The following PHLDB2 variants were observed in gnomAD, a reference collection of about 807,000 sequenced individuals.
PHLDB2 encodes the protein pleckstrin homology-like domain family B member 2.
A neutral mutation model predicts 123.6 loss-of-function variants in PHLDB2; 71 were observed. That is an observed-to-expected ratio of 0.57 (90% confidence interval 0.47 to 0.70). PHLDB2 has a LOEUF of 0.70. Ranked by LOEUF, PHLDB2 falls within the 30% of genes least tolerant of loss-of-function variation. PHLDB2 has a pLI of 0.00. For missense variants in PHLDB2, 1,446 were observed against 1,519.5 expected, an observed-to-expected ratio of 0.95 and a Z score of 0.80; for synonymous variants, 547 against 541.6, an observed-to-expected ratio of 1.01 and a Z score of -0.14.
intron 1 of PHLDB2, among the ~76,000 whole-genome samples, chr3:111,845,299 G>A (rs1203187514): frequency 7.8e-6 from 1 of 128,892 alleles, no homozygotes; most frequent in East Asian, 2.5e-4. Context: ...AGGTTGCAGT[G>A]AGCCAAGATC....
chr3:111,750,186 T>A (rs1278728647), intron 1 of PHLDB2, among the ~76,000 whole-genome samples: 1 of 152,206 alleles, frequency 6.6e-6, no homozygotes, highest in African/African-American at 2.4e-5. Flanking sequence ...ACATTCTTTA[T>A]CCATGCAGTA....
At chr3:111,868,128 C>T (rs1027438508) in intron 1 of PHLDB2, among the ~76,000 whole-genome samples, 1 of 152,004 alleles carries the variant, frequency 6.6e-6, no homozygotes, top group Non-Finnish European at 1.5e-5. Context: ...ACCTCTGCCT[C>T]TCCGCCTCTG....
At position 111,839,452 on chromosome 3, in the gene PHLDB2, G is replaced by GA. The variant is rs35896419; in HGVS notation, c.-48-6361dup. 3.4e-4 allele frequency among the ~76,000 whole-genome samples: 51 copies of GA among 151,688 alleles called. 1 individual carries two copies. Among genetic ancestry groups the GA allele is most frequent in the Admixed American group, 2.8e-3 (42 of 15,234 alleles). On this transcript the variant is annotated intron_variant, in intron 1 of 17. Coordinates refer to the PHLDB2 transcript ENST00000393923. ...CACAATGTACTCTCAAGTAGCTCCAGAAAAAAAATGTTCTTTGTGCTATTC... is the reference window on the plus strand; with the variant it reads ...CACAATGTACTCTCAAGTAGCTCCAGAAAAAAAAATGTTCTTTGTGCTATTC...
At chr3:111,927,425 T>A (rs2068875244) in intron 5 of PHLDB2, among the ~76,000 whole-genome samples, 1 of 152,192 alleles carries the variant, frequency 6.6e-6, no homozygotes, top group Admixed American at 6.5e-5. Flanking sequence ...AATTTTGACA[T>A]ATCACTGCGT....
chr3:111,781,939 C>G (rs1390074506), intron 1 of PHLDB2, among the ~76,000 whole-genome samples: 1 of 151,994 alleles, frequency 6.6e-6, no homozygotes, highest in Non-Finnish European at 1.5e-5. Context: ...TGCCGTGGCA[C>G]AAAACTACCT....
chr3:111,917,187 C>T (rs1052496819), intron 3 of PHLDB2: 3 of 152,124 alleles, frequency 2.0e-5, no homozygotes, highest in African/African-American at 7.2e-5. Flanking sequence ...ACAAACATTT[C>T]CTAGATGGCA....
intron 1 of PHLDB2, among the ~76,000 whole-genome samples, chr3:111,806,927 T>C (rs1170744820): frequency 6.6e-6 from 1 of 151,986 alleles, no homozygotes; most frequent in African/African-American, 2.4e-5. Flanking sequence ...TAAGCCACCA[T>C]GCCCAGCCCC....
intron 12 of PHLDB2, among the ~76,000 whole-genome samples, chr3:111,956,510 G>A (rs1043708262): frequency 8.5e-5 from 13 of 152,110 alleles, no homozygotes; most frequent in African/African-American, 2.9e-4. Context: ...TTATTGATAC[G>A]TCCTTTATGC....
intron 2 of PHLDB2, among the ~76,000 whole-genome samples, chr3:111,890,522 A>G (rs2066418171): frequency 6.6e-6 from 1 of 152,242 alleles, no homozygotes; most frequent in South Asian, 2.1e-4. Context: ...CGCAACTCTT[A>G]TATAAATGAA....
At chr3:111,895,856 A>AT (rs1559891124) in intron 2 of PHLDB2, among the ~76,000 whole-genome samples, 3 of 82,010 alleles carry the variant, frequency 3.7e-5, no homozygotes, top group African/African-American at 1.0e-4. Flanking sequence ...CAAAAAAAAA[A>AT]AATCTATCTA....
At chr3:111,832,682 C>T (rs149764190) in intron 1 of PHLDB2, among the ~76,000 whole-genome samples, 3,614 of 91,378 alleles carry the variant, frequency 0.04, 176 homozygotes, top group African/African-American at 0.15. Context: ...TAGAATTATA[C>T]ATATAATATA....
chr3:111,900,091 A>G (rs1407050827), intron 2 of PHLDB2, among the ~76,000 whole-genome samples: 1 of 152,114 alleles, frequency 6.6e-6, no homozygotes, highest in African/African-American at 2.4e-5. Context: ...CAGCTTCTTC[A>G]CCTCATTTAG....
At chr3:111,883,235 A>C (rs2066015368) in intron 1 of PHLDB2, among the ~76,000 whole-genome samples, 1 of 152,188 alleles carries the variant, frequency 6.6e-6, no homozygotes, top group Admixed American at 6.5e-5. Flanking sequence ...CATTGTGCAA[A>C]CCAGGGTTCA....
At chr3:111,836,220 T>C (rs1228125057) in intron 1 of PHLDB2, among the ~76,000 whole-genome samples, 1 of 152,172 alleles carries the variant, frequency 6.6e-6, no homozygotes, top group Non-Finnish European at 1.5e-5. Flanking sequence ...GTGGCCATGA[T>C]GAAGCATGTG....
At chr3:111,878,364 G>A (rs2065759266) in intron 1 of PHLDB2, among the ~76,000 whole-genome samples, 2 of 152,120 alleles carry the variant, frequency 1.3e-5, no homozygotes, top group Admixed American at 1.3e-4. Context: ...GTCTGTTATT[G>A]GTGAATAGGA....
chr3:111,894,751 A>T (rs937769856), intron 2 of PHLDB2, among the ~76,000 whole-genome samples: 5 of 151,204 alleles, frequency 3.3e-5, no homozygotes, highest in Admixed American at 1.3e-4. Flanking sequence ...CCACTTTTTG[A>T]TAGGGTTGTT....
chr3:111,802,527 T>C (rs1420614840), intron 1 of PHLDB2, among the ~76,000 whole-genome samples: 1 of 152,228 alleles, frequency 6.6e-6, no homozygotes, highest in Non-Finnish European at 1.5e-5. Context: ...CTCATTTATT[T>C]CCATGCTAGC....
At chr3:111,896,928 T>C (rs1258232634) in intron 2 of PHLDB2, among the ~76,000 whole-genome samples, 1 of 152,184 alleles carries the variant, frequency 6.6e-6, no homozygotes, top group Non-Finnish European at 1.5e-5. Context: ...TCATAGGACG[T>C]AATTCAAAGG....
At chr3:111,967,600 G>T in intron 14 of PHLDB2, 78 bp from the exon 15 acceptor site, 1 of 1,390,962 alleles carries the variant, frequency 7.2e-7, no homozygotes, top group Non-Finnish European at 9.5e-7. Flanking sequence ...AGTAAGAATT[G>T]TCTTTTTTAT....
Sources: gnomAD v4.1 joint callset for allele counts (sites outside exome capture counted in the v4.1 genomes callset) on GRCh38, gnomAD v4.1.1 for gene constraint, MANE v1.5 for transcripts, NCBI Gene and HGNC (gene_info 2026-07-23, HGNC 2026-07-21) for gene names.